Variants in ANKS3 observed in about 807,000 individuals in gnomAD.
ANKS3 encodes ankyrin repeat and SAM domain-containing protein 3.
A neutral mutation model predicts 80.7 loss-of-function variants in ANKS3; 62 were observed. That is an observed-to-expected ratio of 0.77 (90% CI 0.63 to 0.95). The LOEUF (loss-of-function observed/expected upper bound fraction) is 0.95, where lower values mean the gene tolerates loss of function less well. ANKS3 is among the 40% of genes least tolerant of loss of function. ANKS3 has a pLI of 0.00. For synonymous variants in ANKS3, 489 were observed against 355.3 expected (o/e 1.38, Z -4.23); for missense variants, 1,150 against 883.6 (o/e 1.30, Z -3.82).
intron 7 of ANKS3, among the ~76,000 whole-genome samples, chr16:4,709,136 G>T (rs1016159570): frequency 6.6e-6 from 1 of 151,846 alleles, no homozygotes; most frequent in Non-Finnish European, 1.5e-5. Flanking sequence ...GCCGGGTGCA[G>T]CGGTTCATGC....
intron 3 of ANKS3, among the ~76,000 whole-genome samples, chr16:4,728,677 T>C (rs1160875702): frequency 6.6e-6 from 1 of 151,568 alleles, no homozygotes; most frequent in African/African-American, 2.4e-5. Context: ...CCACCTCAGC[T>C]AGTGTCAAAA....
chr16:4,702,383 T>C (rs1009849032), intron 8 of ANKS3, 141 bp from the exon 9 acceptor site: 5 of 906,994 alleles, frequency 5.5e-6, no homozygotes, highest in African/African-American at 1.8e-5. Flanking sequence ...GCTCTATCTG[T>C]GGTGTGTGGG....
chr16:4,725,544 A>G (rs2081304926), intron 5 of ANKS3, among the ~76,000 whole-genome samples: 1 of 152,216 alleles, frequency 6.6e-6, no homozygotes, highest in Non-Finnish European at 1.5e-5. Context: ...CTTAGAATGA[A>G]TGACAGCCAG....
chr16:4,705,037 C>T, intron 8 of ANKS3, 58 bp downstream of exon 8: 1 of 1,588,424 alleles, frequency 6.3e-7, no homozygotes, highest in Non-Finnish European at 8.6e-7. Flanking sequence ...CCATTCTTGC[C>T]AACACAAAAT....
At chr16:4,725,819 C>T (rs962646035) in intron 5 of ANKS3, among the ~76,000 whole-genome samples, 1 of 152,138 alleles carries the variant, frequency 6.6e-6, no homozygotes, top group Middle Eastern at 3.4e-3. Flanking sequence ...GCCACCACGC[C>T]CAGCTAATTT....
At chr16:4,728,480 G>T (rs1596459580) in intron 3 of ANKS3, among the ~76,000 whole-genome samples, 1 of 152,230 alleles carries the variant, frequency 6.6e-6, no homozygotes, top group Non-Finnish European at 1.5e-5. Flanking sequence ...TGGCCAGGGG[G>T]GCTGCATGGA....
Position 4,701,100 on chromosome 16 carries a change from T to C in ANKS3, c.1154A>G (p.Lys385Arg), listed in dbSNP as rs766904769. ...SDHACKSSAR[K>R]QAKSYMKTKN... ...GGTCTTCATGTAACTTTTAGCTTGT[T>C]TGCGAGCTGAGCTTTTACAGGCATG... Residue 385 changes from lysine (K) to arginine (R), a missense_variant, in exon 11 of 18, where the codon AAA becomes AGA. Transcript: ENST00000304283. The C allele has an allele frequency of 1.9e-6, 3 of 1,614,026 alleles. No homozygotes were observed. The highest frequency in any genetic ancestry group is 1.7e-5 in the Admixed American group (1 of 60,022).
rs1264335516 is a variant in ANKS3, at chr16:4,697,403, C to A, written c.1824G>T (p.Trp608Cys). 21 of 1,607,774 alleles carry A rather than the reference C, an allele frequency of 1.3e-5. No homozygotes were observed. In the East Asian group the frequency reaches 4.7e-4, roughly 36 times the overall value. The change falls in exon 16 of 18, where the codon TGG becomes TGT. Residue 608 changes from tryptophan to cysteine, a missense_variant. By Grantham distance (215) the Trp-to-Cys change is radical. Transcript: ENST00000304283. ...LAVPPADSKG[W>C]QASLQAMSLP... is the part of the protein sequence containing the mutation. The stretch of plus-strand genomic sequence containing the variant: ...GGCTCATGGCCTGCAGGGACGCTTG[C>A]CAGCCCTTGGAGTCTGTGGTGCAGG...
intron 7 of ANKS3, among the ~76,000 whole-genome samples, chr16:4,713,222 C>T (rs1054281897): frequency 6.6e-6 from 1 of 151,938 alleles, no homozygotes; most frequent in Non-Finnish European, 1.5e-5. Context: ...GAGGCAAGAT[C>T]GCTTCATTGC....
chr16:4,701,725 G>GTC, intron 9 of ANKS3, 182 bp from the exon 10 acceptor site: 1 of 547,726 alleles, frequency 1.8e-6, no homozygotes, highest in African/African-American at 1.9e-5. Context: ...CAGGGCTTCT[G>GTC]TCTTTTTTGT....
chr16:4,704,704 C>T (rs1463374119), intron 8 of ANKS3, among the ~76,000 whole-genome samples: 2 of 152,216 alleles, frequency 1.3e-5, no homozygotes, highest in South Asian at 2.1e-4. Flanking sequence ...CCCCCAGCAG[C>T]GCACCCGACC....
In ANKS3 at chr16:4,698,017, G is replaced by A. The variant is rs1363009631; in HGVS notation, c.1770C>T (p.Pro590=). The change falls in exon 15 of 18, where the codon CCC becomes CCT. Residue 590 remains proline, a synonymous_variant. Coordinates refer to ENST00000304283, the MANE Select transcript of ANKS3 (RefSeq NM_133450.4). ...ELSSRVRQDQ[P]PGAATLGLAV... ...CTAGGCCCAGAGTGGCTGCACCAGGGGGCTGGTCCTGCCTCACTCGAGATG... is the reference window on the plus strand; with the variant it reads ...CTAGGCCCAGAGTGGCTGCACCAGGAGGCTGGTCCTGCCTCACTCGAGATG... 1.2e-6 allele frequency: 2 copies of A among 1,608,150 alleles called. No homozygotes were observed. Among genetic ancestry groups the A allele is most frequent in the Non-Finnish European group, 1.7e-6 (2 of 1,178,120 alleles).
chr16:4,698,140 G>A (rs554843329), intron 14 of ANKS3, 78 bp from the exon 15 acceptor site: 2 of 1,464,438 alleles, frequency 1.4e-6, no homozygotes, highest in African/African-American at 1.4e-5. Context: ...CCTTCTAGGG[G>A]AGGGAGGGGC....
intron 1 of ANKS3, among the ~76,000 whole-genome samples, chr16:4,733,635 T>G (rs1256797836): frequency 2.0e-5 from 3 of 152,170 alleles, no homozygotes; most frequent in Non-Finnish European, 4.4e-5. Context: ...ATCATATTGT[T>G]TGTAACACAA....
intron 3 of ANKS3, chr16:4,727,694 A>C (rs2081423124): frequency 6.2e-6 from 1 of 161,928 alleles, no homozygotes; most frequent in Admixed American, 5.7e-5. Flanking sequence ...GCAGTGAGGA[A>C]AGAAGGGACT....
chr16:4,714,372 T>C, intron 6 of ANKS3, 186 bp from the exon 7 acceptor site: 1 of 829,328 alleles, frequency 1.2e-6, no homozygotes, highest in Non-Finnish European at 1.8e-6. Context: ...TTGCTCTCAC[T>C]CTCTTCTTAG....
Position 4,698,900 on chromosome 16 carries a change from C to T in ANKS3, c.1451G>A (p.Arg484His), listed in dbSNP as rs369831651. Residue 484 changes from arginine to histidine, a missense_variant, in exon 13 of 18, where the codon CGC becomes CAC. Transcript: ENST00000304283. ...GGGTGGGCGGGCACTGCTGTGCCAG[C>T]GGGCAATGGCGGACGTCATCTTCCT... Reference protein sequence around the residue: ...PKRKMTSAIARWHSSARPPGD... With the variant: ...PKRKMTSAIAHWHSSARPPGD... 7 of 1,598,200 alleles carry T rather than the reference C, an allele frequency of 4.4e-6. No individual in the cohort carries two copies. Among genetic ancestry groups the T allele is most frequent in the Admixed American group, 3.4e-5 (2 of 59,162 alleles).
At chr16:4,727,448 T>C (rs968512584) in intron 3 of ANKS3, 19 of 530,280 alleles carry the variant, frequency 3.6e-5, no homozygotes, top group Admixed American at 9.6e-5. Context: ...CACCACCAGA[T>C]AGGCAGATGG....
intron 7 of ANKS3, 93 bp from the exon 8 acceptor site, chr16:4,705,346 G>A (rs2080127835): frequency 3.4e-6 from 5 of 1,471,784 alleles, no homozygotes; most frequent in Non-Finnish European, 3.7e-6. Context: ...ACTGTCGCCG[G>A]TTTTGTTAAA....
Sources: gnomAD v4.1 joint callset for allele counts (sites outside exome capture counted in the v4.1 genomes callset) on GRCh38, gnomAD v4.1.1 for gene constraint, MANE v1.5 for transcripts, NCBI Gene and HGNC (gene_info 2026-07-23, HGNC 2026-07-21) for gene names.